The following F11 variants were observed in gnomAD, a reference collection of about 807,000 sequenced individuals.
F11 encodes the protein coagulation factor XI.
Under a neutral mutation model 76.5 loss-of-function variants are expected in F11, and 78 were observed. That is an observed-to-expected ratio of 1.02 (90% confidence interval 0.85 to 1.23). The LOEUF is 1.23. Ranked by LOEUF, F11 falls within the 50% of genes most tolerant of loss-of-function variation. F11 has a pLI of 0.00. For missense variants in F11, 742 were observed against 771.4 expected, an observed-to-expected ratio of 0.96 and a Z score of 0.45; for synonymous variants, 278 against 276.3, an observed-to-expected ratio of 1.01 and a Z score of -0.06.
At chr4:186,284,814 GT>G (rs1307169622) in intron 11 of F11, among the ~76,000 whole-genome samples, 2 of 152,126 alleles carry the variant, frequency 1.3e-5, no homozygotes, top group Admixed American at 1.3e-4. Context: ...CTGGCATGGT[GT>G]TTTGTGTGCC....
intron 10 of F11, chr4:186,283,025 C>T (rs1008897504): frequency 4.1e-6 from 4 of 985,242 alleles, no homozygotes; most frequent in East Asian, 1.1e-4. Flanking sequence ...GCTCAGGACG[C>T]GGAGCCTTCT....
At position 186,284,124 on chromosome 4, in the gene F11, G is replaced by A; in HGVS notation, c.1168G>A (p.Gly390Arg). 1 of 1,614,202 alleles carries A rather than the reference G, an allele frequency of 6.2e-7. No homozygotes were observed. Among genetic ancestry groups the A allele is most frequent in the East Asian group, 2.2e-5 (1 of 44,862 alleles). ...CTTKIKPRIV[G>R]GTASVRGEWP... ...CACCAAAATCAAGCCCAGGATCGTT[G>A]GAGGAACTGCGTCTGTTCGTGGTGA... The change falls in exon 11 of 15, where the codon GGA becomes AGA. Residue 390 changes from glycine (G) to arginine (R), a missense_variant. Physicochemically the swap from Gly to Arg is moderately radical, Grantham distance 125. Coordinates refer to ENST00000403665, the MANE Select transcript of F11 (RefSeq NM_000128.4).
chr4:186,283,403 G>A (rs1740939461), intron 10 of F11, among the ~76,000 whole-genome samples: 1 of 152,152 alleles, frequency 6.6e-6, no homozygotes, highest in Non-Finnish European at 1.5e-5. Flanking sequence ...GCAGCCCCAA[G>A]AGAAAAGAAA....
chr4:186,288,637 A>C lies in F11; in HGVS notation c.*23A>C. The stretch of plus-strand genomic sequence containing the variant: ...TGAATGGGTTCCCAGGGGCCATTGG[A>C]GTCCCTGAAGGACCCAGGATTTGCT... On this transcript the variant is annotated 3_prime_UTR_variant, in exon 15 of 15. Transcript: ENST00000403665. The C allele has an allele frequency of 6.2e-7, 1 of 1,608,260 alleles. No individual in the cohort carries two copies. Among genetic ancestry groups the C allele is most frequent in the Non-Finnish European group, 8.5e-7 (1 of 1,176,942 alleles).
intron 10 of F11, chr4:186,282,709 A>G: frequency 1.0e-6 from 1 of 985,432 alleles, no homozygotes; most frequent in Non-Finnish European, 1.2e-6. Context: ...CAGAAATTCC[A>G]GAATAGATGG....
chr4:186,270,313 A>G (rs1739840278), intron 2 of F11, among the ~76,000 whole-genome samples: 1 of 152,234 alleles, frequency 6.6e-6, no homozygotes, highest in African/African-American at 2.4e-5. Flanking sequence ...CATGCACTCA[A>G]ACAACCTTGA....
Position 186,273,410 on chromosome 4 carries a change from A to T in F11, c.325+233A>T, listed in dbSNP as rs569498199. On this transcript the variant is annotated intron_variant, in intron 4 of 14. Transcript: ENST00000403665. ...ATATCTTACTACCTCACTTCCCATC[A>T]TTTATTTATATTCTTTCTATTTCCC... Among the ~76,000 whole-genome samples the T allele has an allele frequency of 2.0e-5, 3 of 151,974 alleles. No homozygotes were observed. The East Asian group carries it at 5.8e-4, about 29-fold the overall frequency.
chr4:186,271,245 C>A (rs1022585308), intron 2 of F11, among the ~76,000 whole-genome samples: 4 of 151,972 alleles, frequency 2.6e-5, no homozygotes, highest in Admixed American at 1.3e-4. Context: ...GATAAAGAGA[C>A]GCAATTAGGA....
chr4:186,278,874 C>T (rs547268088), intron 7 of F11, among the ~76,000 whole-genome samples: 1 of 152,206 alleles, frequency 6.6e-6, no homozygotes, highest in South Asian at 2.1e-4. Flanking sequence ...AAAGTAGGTC[C>T]AAAGATCAAG....
At chr4:186,282,614 G>T (rs1740886811) in intron 10 of F11, 1 of 985,082 alleles carries the variant, frequency 1.0e-6, no homozygotes, top group African/African-American at 1.7e-5. Context: ...CTCTCACCTG[G>T]ACCTTGAGTT....
chr4:186,276,200 G>A (rs753766978), intron 6 of F11, 31 bp from the exon 7 acceptor site: 1 of 1,613,848 alleles, frequency 6.2e-7, no homozygotes. Flanking sequence ...CTGGTGAATT[G>A]AGTCCCTGAC....
intron 10 of F11, among the ~76,000 whole-genome samples, chr4:186,280,953 C>A (rs186447112): frequency 6.8e-6 from 1 of 147,350 alleles, no homozygotes; most frequent in Non-Finnish European, 1.5e-5. Flanking sequence ...CTGGCTTGAA[C>A]TCCTGGACTC....
At chr4:186,276,582 C>CT (rs33965536) in intron 7 of F11, among the ~76,000 whole-genome samples, 192 bp downstream of exon 7, 1,531 of 75,858 alleles carry the variant, frequency 0.02, 72 homozygotes, top group African/African-American at 0.027. Flanking sequence ...ACCGAGGACT[C>CT]TTTTTTTTTT....
chr4:186,287,819 G>A lies in F11; in HGVS notation c.1712G>A (p.Cys571Tyr). Residue 571 changes from cysteine (C) to tyrosine (Y), a missense_variant, in exon 14 of 15, where the codon TGC (cysteine) becomes TAC (tyrosine). By Grantham distance (194) the Cys-to-Tyr change is radical. Transcript: ENST00000403665. ...AGYREGGKDA[C>Y]KGDSGGPLSC... ...TACAGGGAAGGAGGGAAGGACGCTT[G>A]CAAGGTAACAGAGTGTTCTTAGCCA... 1 of 1,612,434 alleles carries A rather than the reference G, an allele frequency of 6.2e-7. No homozygotes were observed. The highest frequency in any genetic ancestry group is 8.5e-7 in the Non-Finnish European group (1 of 1,179,010).
intron 2 of F11, among the ~76,000 whole-genome samples, chr4:186,268,027 C>T (rs1004337294): frequency 3.9e-5 from 6 of 151,908 alleles, no homozygotes; most frequent in East Asian, 1.9e-4. Context: ...AATATGTCAG[C>T]GCTAAATAAT....
chr4:186,283,252 C>CGTGTGT (rs10661556), intron 10 of F11, among the ~76,000 whole-genome samples: 8 of 151,348 alleles, frequency 5.3e-5, no homozygotes, highest in East Asian at 1.9e-4. Flanking sequence ...TTTGTGTGCA[C>CGTGTGT]GTGTGTGTGT....
intron 10 of F11, chr4:186,281,920 A>G (rs563796519): frequency 7.9e-7 from 1 of 1,273,816 alleles, no homozygotes; most frequent in Non-Finnish European, 1.0e-6. Context: ...TAACTAACAG[A>G]CTATGCCTTC....
chr4:186,274,031 G>T (rs1268361414), intron 4 of F11, 85 bp from the exon 5 acceptor site: 1 of 1,509,620 alleles, frequency 6.6e-7, no homozygotes, highest in African/African-American at 1.4e-5. Context: ...TGAAAAAGTT[G>T]AAAGGATGAG....
At position 186,280,136 on chromosome 4, in the gene F11, C is replaced by G. The variant is rs1210254761; in HGVS notation, c.865+15C>G. ...CAGCATCCCAGGTAAACTGAGAGTT[C>G]TGCATTCTGGCTGAGAGTGACCAGC... On this transcript the variant is annotated intron_variant, in intron 8 of 14. Transcript: ENST00000403665. 6.2e-7 allele frequency: 1 copy of G among 1,613,816 alleles called. No individual in the cohort carries two copies. Among genetic ancestry groups the G allele is most frequent in the African/African-American group, 1.3e-5 (1 of 74,894 alleles).
Sources: allele counts gnomAD v4.1 joint callset (sites outside exome capture counted in the v4.1 genomes callset), GRCh38; gene constraint gnomAD v4.1.1; transcripts MANE v1.5; gene names NCBI Gene and HGNC (gene_info 2026-07-23, HGNC 2026-07-21).